The following TMEM132D variants were observed in gnomAD, a reference collection of about 807,000 sequenced individuals.
The protein encoded by TMEM132D is transmembrane protein 132D.
TMEM132D carries 21 observed loss-of-function variants against 62.3 expected under a neutral mutation model. The observed-to-expected ratio is 0.34, with a 90% CI of 0.24 to 0.49. TMEM132D has a LOEUF of 0.49. Ranked by LOEUF, TMEM132D falls within the 20% of genes least tolerant of loss-of-function variation. TMEM132D has a pLI of 0.99. For synonymous variants in TMEM132D, 621 were observed against 575.6 expected, an observed-to-expected ratio of 1.08 and a Z score of -1.13; for missense variants, 1,346 against 1,402.8, an observed-to-expected ratio of 0.96 and a Z score of 0.65.
intron 3 of TMEM132D, among the ~76,000 whole-genome samples, chr12:129,438,375 C>T (rs1345327370): frequency 6.6e-6 from 1 of 152,106 alleles, no homozygotes; most frequent in Non-Finnish European, 1.5e-5. Context: ...ACTCAAATAT[C>T]CACCCATAGA....
chr12:129,865,970 G>A (rs76944256), intron 1 of TMEM132D, among the ~76,000 whole-genome samples: 5,129 of 152,172 alleles, frequency 0.034, 152 homozygotes, highest in South Asian at 0.1. Context: ...GTCTCAGATC[G>A]TGTGCCTAAC....
At position 129,667,870 on chromosome 12, in the gene TMEM132D, T is replaced by G. The variant is rs890968437; in HGVS notation, c.968+31940A>C. On this transcript the variant is annotated intron_variant, in intron 2 of 8. Transcript: ENST00000422113. ...TAATTCTAATACGACTTAGTCTATGTTATCAGTAATAATTATAATTATTAT... is the reference window on the plus strand; with the variant it reads ...TAATTCTAATACGACTTAGTCTATGGTATCAGTAATAATTATAATTATTAT... Among the ~76,000 whole-genome samples the G allele has an allele frequency of 2.0e-5, 3 of 152,064 alleles. No homozygotes were observed. The South Asian group carries it at 6.2e-4, about 31-fold the overall frequency.
chr12:129,893,668 C>A (rs923188876), intron 1 of TMEM132D, among the ~76,000 whole-genome samples: 3 of 152,212 alleles, frequency 2.0e-5, no homozygotes, highest in Non-Finnish European at 2.9e-5. Context: ...CAGAAGGAGA[C>A]CAATGTAGCA....
intron 2 of TMEM132D, among the ~76,000 whole-genome samples, chr12:129,623,122 T>C (rs893865397): frequency 6.6e-6 from 1 of 152,190 alleles, no homozygotes; most frequent in Non-Finnish European, 1.5e-5. Context: ...TGGGATTTAC[T>C]TGTCCCTGAA....
intron 4 of TMEM132D, among the ~76,000 whole-genome samples, chr12:129,226,687 T>C (rs1879488076): frequency 6.6e-6 from 1 of 152,224 alleles, no homozygotes; most frequent in Admixed American, 6.5e-5. Context: ...AGGTGAGATC[T>C]CCTAACTTTT....
intron 5 of TMEM132D, among the ~76,000 whole-genome samples, chr12:129,140,865 T>C (rs1876721307): frequency 6.6e-6 from 1 of 151,848 alleles, no homozygotes. Flanking sequence ...ATTTCTGTGA[T>C]TCACCCATAT....
At chr12:129,844,509 C>A (rs896007961) in intron 1 of TMEM132D, among the ~76,000 whole-genome samples, 1 of 152,132 alleles carries the variant, frequency 6.6e-6, no homozygotes, top group Non-Finnish European at 1.5e-5. Flanking sequence ...TTAAAGATTC[C>A]AGCAATTTCA....
At chr12:129,557,135 C>T (rs1051623059) in intron 2 of TMEM132D, among the ~76,000 whole-genome samples, 24 of 152,024 alleles carry the variant, frequency 1.6e-4, no homozygotes, top group Non-Finnish European at 2.9e-4. Context: ...AGTTTTATAG[C>T]GGTTTACTTT....
chr12:129,164,862 A>G (rs1202802900), intron 5 of TMEM132D, among the ~76,000 whole-genome samples: 1 of 152,232 alleles, frequency 6.6e-6, no homozygotes, highest in Non-Finnish European at 1.5e-5. Context: ...AAGCCTAAAC[A>G]TATCACCAAC....
chr12:129,739,361 C>T (rs1050036935), intron 1 of TMEM132D, among the ~76,000 whole-genome samples: 9 of 152,038 alleles, frequency 5.9e-5, no homozygotes, highest in Non-Finnish European at 7.4e-5. Flanking sequence ...CAAGGCAAGG[C>T]GAGGGGATGG....
At chr12:129,787,301 G>A (rs1463986156) in intron 1 of TMEM132D, among the ~76,000 whole-genome samples, 1 of 152,184 alleles carries the variant, frequency 6.6e-6, no homozygotes, top group African/African-American at 2.4e-5. Context: ...ATAGGAAGGA[G>A]AGAAGGAAAA....
Position 129,696,367 on chromosome 12 carries a change from C to T in TMEM132D, c.968+3443G>A, listed in dbSNP as rs116980549. Reference sequence around the variant, plus strand: ...CTTGAGCATTTAAAACTGCAGAGACCTCAGCAAAGTGCACATATTTGTTAA... The same window carrying T: ...CTTGAGCATTTAAAACTGCAGAGACTTCAGCAAAGTGCACATATTTGTTAA... On this transcript the variant is annotated intron_variant, in intron 2 of 8. Transcript: ENST00000422113. Among the ~76,000 whole-genome samples, 19 of 152,310 alleles carry T rather than the reference C, an allele frequency of 1.2e-4. No individual in the cohort carries two copies. The East Asian group carries it at 2.9e-3, about 23-fold the overall frequency.
intron 3 of TMEM132D, among the ~76,000 whole-genome samples, chr12:129,362,564 A>G (rs1870283161): frequency 1.3e-5 from 2 of 151,946 alleles, no homozygotes; most frequent in African/African-American, 4.8e-5. Context: ...ATGAAGATAT[A>G]TTTTATTTTT....
At chr12:129,168,682 C>T (rs1345847038) in intron 5 of TMEM132D, among the ~76,000 whole-genome samples, 4 of 152,272 alleles carry the variant, frequency 2.6e-5, no homozygotes, top group East Asian at 1.9e-4. Context: ...TTCTATGTTT[C>T]GTGGGGCTGT....
chr12:129,807,870 G>A (rs548042908), intron 1 of TMEM132D, among the ~76,000 whole-genome samples: 14 of 152,240 alleles, frequency 9.2e-5, no homozygotes, highest in Admixed American at 2.6e-4. Context: ...CTGAGATGGC[G>A]CCCTGGCTTA....
At chr12:129,650,017 C>G (rs1879887954) in intron 2 of TMEM132D, among the ~76,000 whole-genome samples, 1 of 151,962 alleles carries the variant, frequency 6.6e-6, no homozygotes, top group South Asian at 2.1e-4. Context: ...CAAAATATTG[C>G]AAATAGAACT....
chr12:129,744,407 A>G (rs1314768559), intron 1 of TMEM132D, among the ~76,000 whole-genome samples: 2 of 152,174 alleles, frequency 1.3e-5, no homozygotes, highest in Non-Finnish European at 2.9e-5. Flanking sequence ...GGGTGTGGGA[A>G]GGAGATTTCA....
chr12:129,694,075 T>A (rs1352539703), intron 2 of TMEM132D, among the ~76,000 whole-genome samples: 1 of 152,236 alleles, frequency 6.6e-6, no homozygotes, highest in East Asian at 1.9e-4. Context: ...TATTTTCTTT[T>A]GCAATACATT....
chr12:129,291,803 G>T (rs1302556786), intron 4 of TMEM132D, among the ~76,000 whole-genome samples: 1 of 152,146 alleles, frequency 6.6e-6, no homozygotes, highest in African/African-American at 2.4e-5. Context: ...GGCTATTGAG[G>T]TTCAGAGAAA....
Sources: gnomAD v4.1 joint callset for allele counts (sites outside exome capture counted in the v4.1 genomes callset) on GRCh38, gnomAD v4.1.1 for gene constraint, MANE v1.5 for transcripts, NCBI Gene and HGNC (gene_info 2026-07-23, HGNC 2026-07-21) for gene names.